Variants in SNX29 observed in about 807,000 individuals in gnomAD.
The protein encoded by SNX29 is sorting nexin 29.
SNX29 carries 78 observed loss-of-function variants against 102.1 expected under a neutral mutation model. The ratio of observed to expected loss-of-function variants is 0.76; its 90% confidence interval spans 0.64 to 0.92. SNX29 has a LOEUF of 0.92. Ranked by LOEUF, SNX29 falls within the 40% of genes least tolerant of loss-of-function variation. SNX29 has a pLI of 0.00. For synonymous variants in SNX29, 580 were observed against 414.5 expected, an observed-to-expected ratio of 1.40 and a Z score of -4.85; for missense variants, 1,280 against 1,061.7, an observed-to-expected ratio of 1.21 and a Z score of -2.86.
intron 3 of SNX29, among the ~76,000 whole-genome samples, chr16:12,025,325 G>C (rs1441106744): frequency 1.6e-5 from 1 of 62,942 alleles, no homozygotes; most frequent in Non-Finnish European, 3.7e-5. Context: ...AAAAAAAAAA[G>C]TGCCTGTGTG....
chr16:12,252,606 C>T lies in SNX29; in HGVS notation c.1679-25327C>T, dbSNP rs550728273. On this transcript the variant is annotated intron_variant, in intron 14 of 20. Transcript: ENST00000566228. ...CCTCCCTGAACGTGTGTGCATTTCC[C>T]GGTTCCATCAGTGCCCTTTCTCGCT... is the stretch of plus-strand genomic sequence containing the variant. Among the ~76,000 whole-genome samples, 17 of 152,348 alleles carry T rather than the reference C, an allele frequency of 1.1e-4. 1 individual carries two copies. Among genetic ancestry groups the T allele is most frequent in the Admixed American group, 6.5e-4 (10 of 15,310 alleles).
intron 7 of SNX29, 133 bp downstream of exon 7, chr16:12,048,753 T>A: frequency 6.8e-7 from 1 of 1,467,090 alleles, no homozygotes; most frequent in Non-Finnish European, 9.4e-7. Flanking sequence ...CATTTGTGTT[T>A]CTGTTTCTCA....
intron 15 of SNX29, among the ~76,000 whole-genome samples, chr16:12,297,781 T>C (rs1302072846): frequency 6.6e-6 from 1 of 152,198 alleles, no homozygotes; most frequent in Non-Finnish European, 1.5e-5. Context: ...GTTGATTGGC[T>C]TCCACGTCTG....
intron 16 of SNX29, among the ~76,000 whole-genome samples, chr16:12,378,390 C>T (rs2082952419): frequency 6.6e-6 from 1 of 152,206 alleles, no homozygotes; most frequent in Admixed American, 6.5e-5. Flanking sequence ...TGGCTCATGC[C>T]TGTAATCCCA....
chr16:12,273,926 C>G (rs1270097182), intron 14 of SNX29, among the ~76,000 whole-genome samples: 2 of 152,196 alleles, frequency 1.3e-5, no homozygotes, highest in Non-Finnish European at 2.9e-5. Flanking sequence ...CTTCATTCCT[C>G]TCATGGCTGA....
chr16:12,560,140 C>A (rs577687892), intron 20 of SNX29, among the ~76,000 whole-genome samples: 2 of 52,372 alleles, frequency 3.8e-5, no homozygotes, highest in East Asian at 5.7e-4. Flanking sequence ...TCCCCTCCCC[C>A]CCCCAACAAA....
chr16:12,486,526 T>C (rs1204799674), intron 19 of SNX29, among the ~76,000 whole-genome samples: 8 of 152,244 alleles, frequency 5.3e-5, no homozygotes, highest in Admixed American at 4.6e-4. Context: ...GTGACTTGCT[T>C]GGGCCATCTC....
In SNX29 at chr16:11,988,305, A is replaced by G. The variant is rs866600737; in HGVS notation, c.8-10992A>G. On this transcript the variant is annotated intron_variant, in intron 1 of 20. Transcript: ENST00000566228. ...TGCGACTCCATCTCAAAAAAAAAAA[A>G]AAAAAGTTTATTGGTTAATTTGTAG... Among the ~76,000 whole-genome samples the G allele has an allele frequency of 1.8e-3, 273 of 152,040 alleles. 3 individuals carry two copies. Among genetic ancestry groups the G allele is most frequent in the African/African-American group, 6.1e-3 (253 of 41,496 alleles).
At chr16:12,562,213 G>C (rs915436737) in intron 20 of SNX29, among the ~76,000 whole-genome samples, 2 of 152,132 alleles carry the variant, frequency 1.3e-5, no homozygotes, top group Admixed American at 1.3e-4. Context: ...GAACCCTGCT[G>C]GAGGTGGCCA....
intron 14 of SNX29, among the ~76,000 whole-genome samples, chr16:12,226,362 C>T (rs1015490127): frequency 6.6e-6 from 1 of 152,082 alleles, no homozygotes; most frequent in Non-Finnish European, 1.5e-5. Context: ...AATGAATGTG[C>T]ACTATTAAGG....
chr16:12,303,136 A>G (rs1376309748), intron 15 of SNX29, among the ~76,000 whole-genome samples: 1 of 152,210 alleles, frequency 6.6e-6, no homozygotes, highest in East Asian at 1.9e-4. Context: ...TGTCTGTTGC[A>G]GGCTGTAGAC....
At position 12,204,461 on chromosome 16, in the gene SNX29, G is replaced by A. The variant is rs149995617; in HGVS notation, c.1678+4778G>A. 1.0e-3 allele frequency among the ~76,000 whole-genome samples: 159 copies of A among 152,254 alleles called. 1 individual carries two copies. The highest frequency in any genetic ancestry group is 3.7e-3 in the African/African-American group (155 of 41,542). On this transcript the variant is annotated intron_variant, in intron 14 of 20. Transcript: ENST00000566228. ...CCTCCTACCTCCCCTCTTACTGGATGCTCCACTGTCATAACTGTTCATGGC... is the reference window on the plus strand; with the variant it reads ...CCTCCTACCTCCCCTCTTACTGGATACTCCACTGTCATAACTGTTCATGGC...
At chr16:12,323,517 T>TG (rs2081026764) in intron 15 of SNX29, among the ~76,000 whole-genome samples, 1 of 146,398 alleles carries the variant, frequency 6.8e-6, no homozygotes, top group Admixed American at 6.8e-5. Flanking sequence ...CTAGAGGTTT[T>TG]AAAAAAAAAA....
At chr16:12,029,724 T>TG (rs1466155369) in intron 4 of SNX29, 1 of 423,024 alleles carries the variant, frequency 2.4e-6, no homozygotes, top group Non-Finnish European at 4.7e-6. Context: ...CCTGAGTAGC[T>TG]GGGACTATAG....
intron 19 of SNX29, among the ~76,000 whole-genome samples, chr16:12,491,423 A>C (rs1426055998): frequency 2.0e-5 from 3 of 152,256 alleles, no homozygotes; most frequent in African/African-American, 7.2e-5. Flanking sequence ...CATTCACAAC[A>C]GCACTTGGCT....
At chr16:12,118,568 G>C (rs2053837752) in intron 11 of SNX29, among the ~76,000 whole-genome samples, 1 of 151,894 alleles carries the variant, frequency 6.6e-6, no homozygotes, top group East Asian at 1.9e-4. Context: ...CGCCCACCTC[G>C]GCCTCCCAAA....
intron 1 of SNX29, among the ~76,000 whole-genome samples, chr16:11,980,049 CTGTT>C (rs1415928137): frequency 7.9e-5 from 12 of 152,166 alleles, no homozygotes; most frequent in Non-Finnish European, 1.8e-4. Context: ...CCCTCACCTC[CTGTT>C]TATTTTATTT....
rs1034176896 is a variant in SNX29, at chr16:12,573,192, C to G, written c.*4563C>G. On this transcript the variant is annotated 3_prime_UTR_variant, in exon 21 of 21. Transcript: ENST00000566228. The stretch of plus-strand genomic sequence containing the variant: ...GTAAGGGTGTAGCCATCCAGGGTCT[C>G]CCGGCTCTAGGCAGACCGGATCCCG... 1.3e-5 allele frequency: 3 copies of G among 226,388 alleles called. No homozygotes were observed. The highest frequency in any genetic ancestry group is 6.4e-5 in the East Asian group (1 of 15,656). The allele number at this position is 226,388 out of a possible 1,614,324, so 14.0% of individuals were successfully genotyped here. A position where few individuals can be genotyped will look rare whatever the true frequency, so the allele number is the denominator to read the frequency against.
At chr16:12,321,169 C>T (rs2080919016) in intron 15 of SNX29, among the ~76,000 whole-genome samples, 1 of 152,134 alleles carries the variant, frequency 6.6e-6, no homozygotes, top group Non-Finnish European at 1.5e-5. Context: ...TCTGTTCCTA[C>T]CACATCCCAG....
Sources: allele counts gnomAD v4.1 joint callset (sites outside exome capture counted in the v4.1 genomes callset), GRCh38; gene constraint gnomAD v4.1.1; transcripts MANE v1.5; gene names NCBI Gene and HGNC (gene_info 2026-07-23, HGNC 2026-07-21).